Variants in CLSTN3 observed in about 807,000 individuals in gnomAD.
The protein encoded by CLSTN3 is calsyntenin-3.
Under a neutral mutation model 95.9 loss-of-function variants are expected in CLSTN3, and 36 were observed. The ratio of observed to expected loss-of-function variants is 0.38; its 90% confidence interval spans 0.29 to 0.50. CLSTN3 has a LOEUF of 0.50. CLSTN3 is among the 20% of genes least tolerant of loss of function. The pLI, the probability that CLSTN3 is intolerant of heterozygous loss-of-function variation, is 0.95. For missense variants in CLSTN3, 1,084 were observed against 1,268.8 expected (o/e 0.85, Z 2.21); for synonymous variants, 481 against 504.0 (o/e 0.95, Z 0.61).
chr12:7,136,502 C>A, intron 6 of CLSTN3, 111 bp downstream of exon 6: 1 of 1,097,004 alleles, frequency 9.1e-7, no homozygotes, highest in Non-Finnish European at 1.3e-6. Flanking sequence ...AGGTGTTTAT[C>A]CATAGAGGTT....
chr12:7,148,900 G>A, intron 12 of CLSTN3, 72 bp from the exon 13 acceptor site: 3 of 1,311,342 alleles, frequency 2.3e-6, no homozygotes, highest in Non-Finnish European at 3.2e-6. Flanking sequence ...GGGGCGGGGA[G>A]TGAAACAGAA....
At chr12:7,155,220 C>T (rs141450544) in intron 16 of CLSTN3, among the ~76,000 whole-genome samples, 1 of 152,322 alleles carries the variant, frequency 6.6e-6, no homozygotes, top group Non-Finnish European at 1.5e-5. Flanking sequence ...GCTGAACGCA[C>T]TTCTTAAATT....
chr12:7,137,900 A>G lies in CLSTN3; in HGVS notation c.1211-55A>G, dbSNP rs1015996984. On this transcript the variant is annotated intron_variant, in intron 7 of 17. Coordinates refer to ENST00000266546, the MANE Select transcript of CLSTN3 (RefSeq NM_014718.4). This position sits in a 1 kb window ranked among gnomAD's most constrained non-coding sequence, Gnocchi z 4.4. The stretch of plus-strand genomic sequence containing the variant: ...CATCCTCTCCTTCCTGCTGCTTTGA[A>G]CTTGTTCTGGCCTCAGCCTCTGCAC... 3.8e-6 allele frequency: 5 copies of G among 1,309,328 alleles called. No homozygotes were observed. In the African/African-American group the frequency reaches 7.3e-5, roughly 19 times the overall value. The allele number at this position is 1,309,328 out of a possible 1,614,324, so 81.1% of individuals were successfully genotyped here. A position where few individuals can be genotyped will look rare whatever the true frequency, so the allele number is the denominator to read the frequency against.
Position 7,135,461 on chromosome 12 carries a change from G to A in CLSTN3, c.518G>A (p.Cys173Tyr). 6.2e-7 allele frequency: 1 copy of A among 1,614,118 alleles called. No individual in the cohort carries two copies. Among genetic ancestry groups the A allele is most frequent in the East Asian group, 2.2e-5 (1 of 44,878 alleles). Reference sequence around the variant, plus strand: ...CGGGTGGAAGCCATTGACGGTGACTGCTCCCCCCAGTACAGCCAGATCTGC... The same window carrying A: ...CGGGTGGAAGCCATTGACGGTGACTACTCCCCCCAGTACAGCCAGATCTGC... ...ILRVEAIDGD[C>Y]SPQYSQICYY... Residue 173 changes from cysteine (C) to tyrosine (Y), a missense_variant, in exon 4 of 18, where the codon TGC (cysteine) becomes TAC (tyrosine). Physicochemically the swap from Cys to Tyr is radical, Grantham distance 194. Transcript: ENST00000266546.
Position 7,137,066 on chromosome 12 carries a change from G to T in CLSTN3, c.1166G>T (p.Gly389Val). The change falls in exon 7 of 18, where the codon GGC becomes GTC. Residue 389 changes from glycine to valine, a missense_variant. Transcript: ENST00000266546. This position sits in a 1 kb window ranked among gnomAD's most constrained non-coding sequence, Gnocchi z 4.4. ...AAGCATGGCGTAACTCCCAACAAGG[G>T]CAAGAAGGAAGAGGAAACCATCGTA... Reference protein sequence around the residue: ...WMKHGVTPNKGKKEEETIVCN... With the variant: ...WMKHGVTPNKVKKEEETIVCN... The T allele has an allele frequency of 6.2e-7, 1 of 1,614,026 alleles. No homozygotes were observed. The highest frequency in any genetic ancestry group is 1.1e-5 in the South Asian group (1 of 91,078).
rs142287732 is a variant in CLSTN3 at position 7,133,144 on chromosome 12, C to G, written c.185C>G (p.Ala62Gly). The stretch of plus-strand genomic sequence containing the variant: ...GACAAGGATGCCCCGCTGCGCTATG[C>G]AGGTAATTGGGATTGGGGGATGGCA... Reference protein sequence around the residue: ...ALDKDAPLRYAGEICGFRLHG... With the variant: ...ALDKDAPLRYGGEICGFRLHG... The change falls in exon 2 of 18, where the codon GCA (alanine) becomes GGA (glycine). Residue 62 changes from alanine (A) to glycine (G), a missense_variant and splice_region_variant. By Grantham distance (60) the Ala-to-Gly change is moderately conservative. Transcript: ENST00000266546. This position sits in a 1 kb window ranked among gnomAD's most constrained non-coding sequence, Gnocchi z 4.7. The G allele has an allele frequency of 6.6e-5, 107 of 1,610,984 alleles. No individual in the cohort carries two copies. The highest frequency in any genetic ancestry group is 8.1e-5 in the Non-Finnish European group (96 of 1,178,542).
In CLSTN3 at chr12:7,157,544, C is replaced by G; in HGVS notation, c.2583C>G (p.Leu861=). 6.2e-7 allele frequency: 1 copy of G among 1,611,192 alleles called. No homozygotes were observed. Among genetic ancestry groups the G allele is most frequent in the Middle Eastern group, 1.7e-4 (1 of 6,036 alleles). ...TGGTGTGCGTGGGCTTCCTGGTGCT[C>G]ATGGTCGTCCTGGGCCTGGTGCGCA... is the stretch of plus-strand genomic sequence containing the variant. ...IIVVCVGFLV[L]MVVLGLVRIH... is the part of the protein sequence containing the mutation. The change falls in exon 17 of 18, where the codon CTC becomes CTG. Residue 861 remains leucine (L), a synonymous_variant. Coordinates refer to ENST00000266546, the MANE Select transcript of CLSTN3 (RefSeq NM_014718.4). This position sits in a 1 kb window ranked among gnomAD's most constrained non-coding sequence, Gnocchi z 5.9.
chr12:7,147,354 G>C (rs1939636017), intron 12 of CLSTN3, among the ~76,000 whole-genome samples: 1 of 120,074 alleles, frequency 8.3e-6, no homozygotes, highest in African/African-American at 3.2e-5. Context: ...AGCTGAGATG[G>C]CACTACTGCA....
At position 7,137,414 on chromosome 12, in the gene CLSTN3, C is replaced by T. The variant is rs1436363970; in HGVS notation, c.1210+304C>T. 3 of 385,194 alleles carry T rather than the reference C, an allele frequency of 7.8e-6. No homozygotes were observed. Among genetic ancestry groups the T allele is most frequent in the African/African-American group, 6.1e-5 (3 of 49,434 alleles). The allele number at this position is 385,194 out of a possible 1,614,324, so 23.9% of individuals were successfully genotyped here. A position where few individuals can be genotyped will look rare whatever the true frequency, so the allele number is the denominator to read the frequency against. ...CCCCCATCTCCACCTCCATTAAAGC[C>T]CCTCCATTGCAATGGGAAAGCCTGG... is the stretch of plus-strand genomic sequence containing the variant. On this transcript the variant is annotated intron_variant, in intron 7 of 17. Coordinates refer to ENST00000266546, the MANE Select transcript of CLSTN3 (RefSeq NM_014718.4). This position sits in a 1 kb window ranked among gnomAD's most constrained non-coding sequence, Gnocchi z 4.4.
chr12:7,142,703 C>A (rs1939549308), intron 10 of CLSTN3, among the ~76,000 whole-genome samples, 166 bp from the exon 11 acceptor site: 1 of 149,530 alleles, frequency 6.7e-6, no homozygotes, highest in Non-Finnish European at 1.5e-5. Context: ...CCTCACCTCT[C>A]ATCTCTCTTT....
chr12:7,130,352 GC>G, upstream of CLSTN3: 1 of 1,258,508 alleles, frequency 7.9e-7, no homozygotes. Flanking sequence ...ATCAATCGTT[GC>G]CCGGCTGTGC....
In CLSTN3 at chr12:7,149,889, C is replaced by T. The variant is rs778102400; in HGVS notation, c.2245+196C>T. ...TGCTGGGTTTAGGCTCCGAATGCTTCTGTCTTCCTGCTCCTCTCCATAGCC... is the reference window on the plus strand; with the variant it reads ...TGCTGGGTTTAGGCTCCGAATGCTTTTGTCTTCCTGCTCCTCTCCATAGCC... On this transcript the variant is annotated intron_variant, in intron 14 of 17. Coordinates refer to ENST00000266546, the MANE Select transcript of CLSTN3 (RefSeq NM_014718.4). The surrounding 1 kb of genome is among the most constrained non-coding windows in gnomAD (Gnocchi z 4.5). 3.3e-5 allele frequency among the ~76,000 whole-genome samples: 5 copies of T among 152,332 alleles called. No homozygotes were observed. Among genetic ancestry groups the T allele is most frequent in the Admixed American group, 2.6e-4 (4 of 15,308 alleles).
At position 7,141,280 on chromosome 12, in the gene CLSTN3, C is replaced by G; in HGVS notation, c.1362C>G (p.Leu454=). 6.2e-7 allele frequency: 1 copy of G among 1,614,162 alleles called. No homozygotes were observed. ...DDEWHHYALN[L]EFPTVTLYTD... Reference sequence around the variant, plus strand: ...AGTGGCACCACTACGCTCTGAACCTCGAGTTCCCCACAGTCACACTCTATA... The same window carrying G: ...AGTGGCACCACTACGCTCTGAACCTGGAGTTCCCCACAGTCACACTCTATA... Residue 454 remains leucine, a synonymous_variant, in exon 9 of 18, where the codon CTC becomes CTG. Coordinates refer to ENST00000266546, the MANE Select transcript of CLSTN3 (RefSeq NM_014718.4). The surrounding 1 kb of genome is among the most constrained non-coding windows in gnomAD (Gnocchi z 4.1).
In CLSTN3 at chr12:7,150,231, C is replaced by T. The variant is rs1055671861; in HGVS notation, c.2246-313C>T. On this transcript the variant is annotated intron_variant, in intron 14 of 17. Coordinates refer to ENST00000266546, the MANE Select transcript of CLSTN3 (RefSeq NM_014718.4). This position sits in a 1 kb window ranked among gnomAD's most constrained non-coding sequence, Gnocchi z 4.0. ...GCTCACTGAGGACTTCTGTATTTTC[C>T]TCTTTCTCATATTCCCTCCTGCTTG... is the stretch of plus-strand genomic sequence containing the variant. Among the ~76,000 whole-genome samples, 15 of 152,156 alleles carry T rather than the reference C, an allele frequency of 9.9e-5. No individual in the cohort carries two copies. The highest frequency in any genetic ancestry group is 3.6e-4 in the African/African-American group (15 of 41,426).
chr12:7,140,475 C>T (rs1939506923), intron 8 of CLSTN3, among the ~76,000 whole-genome samples: 1 of 152,006 alleles, frequency 6.6e-6, no homozygotes, highest in East Asian at 1.9e-4. Context: ...GAGAAGAGGG[C>T]CTAGGTCTGA....
Position 7,137,787 on chromosome 12 carries a change from TGTGTGTGTGAGA to T in CLSTN3, c.1211-166_1211-155del, listed in dbSNP as rs1354314972. 6.1e-4 allele frequency among the ~76,000 whole-genome samples: 71 copies of T among 117,196 alleles called. No homozygotes were observed. Among genetic ancestry groups the T allele is most frequent in the African/African-American group, 1.9e-3 (66 of 34,366 alleles). 76.9% of individuals were successfully genotyped at this position (117,196 alleles called of 152,430 possible). Reference sequence around the variant, plus strand: ...GTGTGTGTGTGTGTGTGTGTGTGTGTGTGTGTGTGAGAGAGAGAGAGAGAGAGAGAGAGAGGA... The same window carrying T: ...GTGTGTGTGTGTGTGTGTGTGTGTGTGAGAGAGAGAGAGAGAGAGAGAGGA... On this transcript the variant is annotated intron_variant, in intron 7 of 17. Coordinates refer to ENST00000266546, the MANE Select transcript of CLSTN3 (RefSeq NM_014718.4). The surrounding 1 kb of genome is among the most constrained non-coding windows in gnomAD (Gnocchi z 4.4).
chr12:7,148,212 G>GAAAT (rs1023554481), intron 12 of CLSTN3, among the ~76,000 whole-genome samples: 26 of 147,322 alleles, frequency 1.8e-4, no homozygotes, highest in African/African-American at 3.6e-4. Flanking sequence ...AAGAAAGAAA[G>GAAAT]AAATGTGGGA....
At chr12:7,147,251 T>C (rs951102246) in intron 12 of CLSTN3, among the ~76,000 whole-genome samples, 4 of 151,480 alleles carry the variant, frequency 2.6e-5, no homozygotes, top group African/African-American at 9.7e-5. Context: ...TCAGTGGACT[T>C]GGGCGGTGTG....
chr12:7,152,058 G>GAAAAA (rs779248525), intron 16 of CLSTN3, among the ~76,000 whole-genome samples: 4 of 67,856 alleles, frequency 5.9e-5, no homozygotes, highest in Non-Finnish European at 9.0e-5. Flanking sequence ...TGTCTCAAAG[G>GAAAAA]AAAAAAAAAA....
Sources: allele counts gnomAD v4.1 joint callset (sites outside exome capture counted in the v4.1 genomes callset), GRCh38; gene constraint gnomAD v4.1.1; non-coding constraint Gnocchi (gnomAD v3.1); transcripts MANE v1.5; gene names NCBI Gene and HGNC (gene_info 2026-07-23, HGNC 2026-07-21).